The following HACE1 variants were observed in gnomAD, a reference collection of about 807,000 sequenced individuals.
HACE1 encodes E3 ubiquitin-protein ligase HACE1.
Under a neutral mutation model 118.4 loss-of-function variants are expected in HACE1, and 73 were observed. The ratio of observed to expected loss-of-function variants is 0.62; its 90% confidence interval spans 0.51 to 0.75. The LOEUF is 0.75. Ranked by LOEUF, HACE1 falls within the 30% of genes least tolerant of loss-of-function variation. The probability of loss-of-function intolerance (pLI) is 0.00; values close to 1 mark genes in which losing one functional copy is unlikely to be tolerated. For missense variants in HACE1, 749 were observed against 1,102.2 expected (o/e 0.68, Z 4.54); for synonymous variants, 368 against 374.8 (o/e 0.98, Z 0.21).
At chr6:104,812,455 A>AT (rs1430141626) in intron 6 of HACE1, among the ~76,000 whole-genome samples, 7 of 152,172 alleles carry the variant, frequency 4.6e-5, no homozygotes, top group Admixed American at 6.6e-5. Flanking sequence ...TTAAAAAAAA[A>AT]CAAAATAGTT....
intron 7 of HACE1, among the ~76,000 whole-genome samples, chr6:104,807,760 G>C (rs1332110475): frequency 6.6e-6 from 1 of 152,158 alleles, no homozygotes; most frequent in Non-Finnish European, 1.5e-5. Context: ...GAGTTAATTA[G>C]TTATATAGTT....
chr6:104,857,137 T>G (rs1255435730), intron 1 of HACE1, among the ~76,000 whole-genome samples: 1 of 149,298 alleles, frequency 6.7e-6, no homozygotes, highest in African/African-American at 2.4e-5. Flanking sequence ...TTTGTATCAG[T>G]AGGAATGTTA....
intron 19 of HACE1, among the ~76,000 whole-genome samples, chr6:104,767,447 G>C (rs2114685441): frequency 6.6e-6 from 1 of 152,156 alleles, no homozygotes; most frequent in South Asian, 2.1e-4. Context: ...AAATGCCACA[G>C]CCTCCTCTCA....
intron 6 of HACE1, among the ~76,000 whole-genome samples, chr6:104,818,867 CTAGG>C (rs755590443): frequency 6.6e-6 from 1 of 151,804 alleles, no homozygotes; most frequent in Non-Finnish European, 1.5e-5. Context: ...TCTTAAAAAA[CTAGG>C]TATTGAAGGA....
intron 5 of HACE1, among the ~76,000 whole-genome samples, chr6:104,840,156 A>G (rs979538175): frequency 1.3e-5 from 2 of 152,208 alleles, no homozygotes; most frequent in East Asian, 1.9e-4. Flanking sequence ...CTCTCTCTCT[A>G]TTATTTCTTA....
At chr6:104,856,803 C>T (rs76308319) in intron 1 of HACE1, among the ~76,000 whole-genome samples, 2,418 of 152,202 alleles carry the variant, frequency 0.016, 75 homozygotes, top group African/African-American at 0.056. Context: ...CTCTTTTTCT[C>T]TCAAGAATAT....
intron 7 of HACE1, among the ~76,000 whole-genome samples, chr6:104,801,451 T>C (rs1056242163): frequency 3.3e-5 from 5 of 152,048 alleles, no homozygotes; most frequent in African/African-American, 7.3e-5. Context: ...GAAAAAATAT[T>C]AAGGGCAGTC....
At chr6:104,755,830 A>G (rs755288999) in intron 19 of HACE1, among the ~76,000 whole-genome samples, 1 of 152,210 alleles carries the variant, frequency 6.6e-6, no homozygotes, top group Non-Finnish European at 1.5e-5. Context: ...AAAAAGCTAG[A>G]AAGATCTCAA....
chr6:104,758,544 A>AG (rs144386659), intron 19 of HACE1, among the ~76,000 whole-genome samples: 26,517 of 152,118 alleles, frequency 0.17, 2,474 homozygotes, highest in African/African-American at 0.25. Flanking sequence ...GAGCTCCTGA[A>AG]GGAAGCACTA....
chr6:104,859,646 C>G lies in HACE1; in HGVS notation c.-4G>C. The G allele has an allele frequency of 6.5e-7, 1 of 1,531,856 alleles. No homozygotes were observed. Among genetic ancestry groups the G allele is most frequent in the Non-Finnish European group, 8.8e-7 (1 of 1,142,800 alleles). The allele number at this position is 1,531,856 out of a possible 1,614,324, so 94.9% of individuals were successfully genotyped here. A position where few individuals can be genotyped will look rare whatever the true frequency, so the allele number is the denominator to read the frequency against. On this transcript the variant is annotated 5_prime_UTR_variant, in exon 1 of 24. Transcript: ENST00000262903. Reference sequence around the variant, plus strand: ...GTTGCTCCATCGCTCTCTCCATCCTCGGCGCGCCCTCCGCGATCCTCCGCG... The same window carrying G: ...GTTGCTCCATCGCTCTCTCCATCCTGGGCGCGCCCTCCGCGATCCTCCGCG...
intron 4 of HACE1, 83 bp downstream of exon 4, chr6:104,849,059 C>T (rs1582770982): frequency 3.8e-6 from 3 of 798,862 alleles, no homozygotes; most frequent in Non-Finnish European, 6.8e-6. Flanking sequence ...ATCAGGGATG[C>T]GGGAGGAATC....
In HACE1 at chr6:104,750,434, T is replaced by C. The variant is rs1181115704; in HGVS notation, c.2250A>G (p.Thr750=). Residue 750 remains threonine (T), a synonymous_variant, in exon 20 of 24, where the codon ACA becomes ACG. Transcript: ENST00000262903. ...CATTGATCTGAGGCTGAATGGCTCT[T>C]GTCATTCGAAGTTCAGTAACAAGCT... The part of the protein sequence containing the change: ...YVQLVTELRM[T]RAIQPQINAF... 4 of 1,613,184 alleles carry C rather than the reference T, an allele frequency of 2.5e-6. No individual in the cohort carries two copies. Among genetic ancestry groups the C allele is most frequent in the Admixed American group, 3.3e-5 (2 of 59,954 alleles).
At chr6:104,733,015 G>A (rs1286814105) in intron 22 of HACE1, among the ~76,000 whole-genome samples, 1 of 152,090 alleles carries the variant, frequency 6.6e-6, no homozygotes, top group African/African-American at 2.4e-5. Flanking sequence ...CTCCTTGTAA[G>A]TTGAAATAAA....
chr6:104,749,436 A>C (rs574380709), intron 20 of HACE1, among the ~76,000 whole-genome samples: 2 of 152,256 alleles, frequency 1.3e-5, no homozygotes, highest in Admixed American at 1.3e-4. Flanking sequence ...TATTATACTA[A>C]GATATACTAT....
chr6:104,857,658 A>AC (rs911220146), intron 1 of HACE1, among the ~76,000 whole-genome samples: 1 of 152,032 alleles, frequency 6.6e-6, no homozygotes, highest in African/African-American at 2.4e-5. Context: ...GAATACAAAA[A>AC]AAAAAAAACA....
At chr6:104,806,786 A>C (rs1170739558) in intron 7 of HACE1, among the ~76,000 whole-genome samples, 2 of 152,176 alleles carry the variant, frequency 1.3e-5, no homozygotes, top group Admixed American at 1.3e-4. Context: ...GAAGTCAACA[A>C]AAATTTAACT....
chr6:104,771,162 C>A (rs1392337016), intron 19 of HACE1, 31 bp downstream of exon 19: 2 of 1,506,104 alleles, frequency 1.3e-6, no homozygotes. Context: ...AAGTTACAAA[C>A]AATGGTTAAG....
At chr6:104,762,932 G>A (rs1240811049) in intron 19 of HACE1, among the ~76,000 whole-genome samples, 1 of 146,388 alleles carries the variant, frequency 6.8e-6, no homozygotes, top group African/African-American at 2.5e-5. Context: ...GGAGCTTGCA[G>A]TGAGCTGAGA....
chr6:104,859,257 C>T (rs1370590057), intron 1 of HACE1: 1 of 356,110 alleles, frequency 2.8e-6, no homozygotes, highest in African/African-American at 2.2e-5. Context: ...GGTCTCGGGC[C>T]TCCGGCTGGT....
Sources: gnomAD v4.1 joint callset for allele counts (sites outside exome capture counted in the v4.1 genomes callset) on GRCh38, gnomAD v4.1.1 for gene constraint, MANE v1.5 for transcripts, NCBI Gene and HGNC (gene_info 2026-07-23, HGNC 2026-07-21) for gene names.